The following DTD1 variants were observed in gnomAD, a reference collection of about 807,000 sequenced individuals.
The protein encoded by DTD1 is D-tyrosyl-tRNA deacylase 1 homolog.
DTD1 carries 13 observed loss-of-function variants against 25.6 expected under a neutral mutation model. That is an observed-to-expected ratio of 0.51 (90% CI 0.33 to 0.81). The LOEUF (loss-of-function observed/expected upper bound fraction) is 0.81, where lower values mean the gene tolerates loss of function less well. Among genes scored for constraint, DTD1 ranks in the 30% least tolerant of loss-of-function variants. The probability of loss-of-function intolerance (pLI) is 0.02; values close to 1 mark genes in which losing one functional copy is unlikely to be tolerated. For synonymous variants in DTD1, 110 were observed against 103.6 expected, an observed-to-expected ratio of 1.06 and a Z score of -0.37; for missense variants, 193 against 266.4, an observed-to-expected ratio of 0.72 and a Z score of 1.92.
At position 18,765,177 on chromosome 20, in the gene DTD1, A is replaced by G. The variant is rs896116575; in HGVS notation, c.*1837A>G. 1.3e-5 allele frequency: 2 copies of G among 152,264 alleles called. No homozygotes were observed. The highest frequency in any genetic ancestry group is 4.8e-5 in the African/African-American group (2 of 41,452). 9.4% of individuals were successfully genotyped at this position (152,264 alleles called of 1,614,324 possible). A position where few individuals can be genotyped will look rare whatever the true frequency, so the allele number is the denominator to read the frequency against. On this transcript the variant is annotated 3_prime_UTR_variant, in exon 6 of 6. Transcript: ENST00000377452. The stretch of plus-strand genomic sequence containing the variant: ...GCTGAAGGGTCTGAAACCGTAAAGG[A>G]AGAGCTGAAGGAGCTGGGGCTGTTT...
At chr20:18,629,142 G>A (rs557630942) in intron 4 of DTD1, among the ~76,000 whole-genome samples, 5 of 151,050 alleles carry the variant, frequency 3.3e-5, no homozygotes, top group South Asian at 2.1e-4. Context: ...GATTACAGGC[G>A]CCCACCACCA....
intron 4 of DTD1, chr20:18,632,395 G>A (rs1391643793): frequency 1.0e-6 from 1 of 985,336 alleles, no homozygotes; most frequent in Admixed American, 6.2e-5. Context: ...CCAGTAGGTG[G>A]CGGTGGGTAG....
In DTD1 at chr20:18,697,872, G is replaced by A. The variant is rs371774973; in HGVS notation, c.478-46228G>A. 2.6e-5 allele frequency among the ~76,000 whole-genome samples: 4 copies of A among 152,174 alleles called. No homozygotes were observed. In the South Asian group the frequency reaches 8.3e-4, roughly 31 times the overall value. ...GCTAATTTTTTGTATTTTTAGTAGAGACGGGGTTTCACTGCGTTAGCCAGG... is the reference window on the plus strand; with the variant it reads ...GCTAATTTTTTGTATTTTTAGTAGAAACGGGGTTTCACTGCGTTAGCCAGG... On this transcript the variant is annotated intron_variant, in intron 4 of 5. Coordinates refer to ENST00000377452, the MANE Select transcript of DTD1 (RefSeq NM_080820.6).
intron 1 of DTD1, chr20:18,592,379 G>C: frequency 6.6e-6 from 1 of 152,196 alleles, no homozygotes; most frequent in South Asian, 2.1e-4. Context: ...TGGAAGCTGA[G>C]GCAGGGAGGA....
At chr20:18,688,545 G>A (rs1275417232) in intron 4 of DTD1, among the ~76,000 whole-genome samples, 1 of 152,126 alleles carries the variant, frequency 6.6e-6, no homozygotes, top group Non-Finnish European at 1.5e-5. Flanking sequence ...CTGAGACAGG[G>A]TGACCCTGCG....
At chr20:18,719,736 C>T (rs2061195277) in intron 4 of DTD1, among the ~76,000 whole-genome samples, 1 of 152,248 alleles carries the variant, frequency 6.6e-6, no homozygotes, top group Admixed American at 6.5e-5. Flanking sequence ...TTGGTGACAG[C>T]AGTCCAGCCT....
chr20:18,736,434 A>G (rs921618077), intron 4 of DTD1, among the ~76,000 whole-genome samples: 1 of 152,064 alleles, frequency 6.6e-6, no homozygotes, highest in Non-Finnish European at 1.5e-5. Flanking sequence ...TTCCTTATTC[A>G]TTTCATGTTC....
At chr20:18,629,858 T>G (rs1349650689) in intron 4 of DTD1, among the ~76,000 whole-genome samples, 5 of 151,926 alleles carry the variant, frequency 3.3e-5, no homozygotes, top group Non-Finnish European at 7.4e-5. Flanking sequence ...AGCAGGGGGA[T>G]GTACTACACA....
chr20:18,609,735 A>C (rs2060679150), intron 3 of DTD1, among the ~76,000 whole-genome samples: 1 of 152,170 alleles, frequency 6.6e-6, no homozygotes, highest in Non-Finnish European at 1.5e-5. Context: ...AGATGAACAG[A>C]ACATTCCCAC....
chr20:18,700,043 A>G (rs537101632), intron 4 of DTD1, among the ~76,000 whole-genome samples: 130 of 152,286 alleles, frequency 8.5e-4, no homozygotes, highest in African/African-American at 3.0e-3. Context: ...CTAGAATCCC[A>G]TGTTCATTTA....
At chr20:18,722,738 G>A (rs1418009751) in intron 4 of DTD1, among the ~76,000 whole-genome samples, 2 of 152,164 alleles carry the variant, frequency 1.3e-5, no homozygotes, top group South Asian at 2.1e-4. Context: ...TGCTGGGACT[G>A]CAAAACATGG....
chr20:18,589,048 G>T, intron 1 of DTD1, among the ~76,000 whole-genome samples: 1 of 152,094 alleles, frequency 6.6e-6, no homozygotes, highest in East Asian at 1.9e-4. Flanking sequence ...GTCCACAAAA[G>T]TATGAATTAA....
At chr20:18,598,700 G>A (rs1475600140) in intron 3 of DTD1, among the ~76,000 whole-genome samples, 5 of 149,386 alleles carry the variant, frequency 3.3e-5, no homozygotes, top group African/African-American at 1.2e-4. Flanking sequence ...TAGTAGAGAT[G>A]GGGTTTTACC....
intron 4 of DTD1, among the ~76,000 whole-genome samples, chr20:18,646,443 G>A (rs2060850867): frequency 6.6e-6 from 1 of 152,206 alleles, no homozygotes; most frequent in African/African-American, 2.4e-5. Flanking sequence ...TACAAATGAT[G>A]CTGAGTGTAG....
rs576786965 is a variant in DTD1 at position 18,760,028 on chromosome 20, G to T, written c.*20-3332G>T. Among the ~76,000 whole-genome samples the T allele has an allele frequency of 2.0e-5, 3 of 152,150 alleles. No individual in the cohort carries two copies. In the South Asian group the frequency reaches 6.2e-4, roughly 32 times the overall value. ...ACCCTTTCTTCCAGTTGATCGAATT[G>T]GCTATTGAGGCTTATGCGTTCGTCA... On this transcript the variant is annotated intron_variant, in intron 5 of 5. Coordinates refer to ENST00000377452, the MANE Select transcript of DTD1 (RefSeq NM_080820.6).
At chr20:18,750,758 T>A (rs2061318571) in intron 5 of DTD1, among the ~76,000 whole-genome samples, 1 of 152,188 alleles carries the variant, frequency 6.6e-6, no homozygotes. Context: ...CTCTATTATT[T>A]CTCCTTTCTG....
At chr20:18,616,583 T>C (rs2060709698) in intron 3 of DTD1, among the ~76,000 whole-genome samples, 2 of 151,512 alleles carry the variant, frequency 1.3e-5, no homozygotes, top group African/African-American at 4.9e-5. Context: ...AGCCCAGGAG[T>C]TCTAGACCAG....
intron 4 of DTD1, among the ~76,000 whole-genome samples, chr20:18,695,591 CCTCCCCTCCCCTCCCCCCTTCCCTTCT>C (rs2061072863): frequency 3.0e-5 from 1 of 33,452 alleles, no homozygotes; most frequent in Non-Finnish European, 5.7e-5. Flanking sequence ...CCTCCCCTCC[CCTCCCCTCCCCTCCCCCCTTCCCTTCT>C]TTCCTTCTCT....
At chr20:18,722,902 G>A (rs2061209884) in intron 4 of DTD1, among the ~76,000 whole-genome samples, 1 of 152,000 alleles carries the variant, frequency 6.6e-6, no homozygotes, top group African/African-American at 2.4e-5. Flanking sequence ...TTATTTTTCT[G>A]GACCTAAAAC....
Sources: gnomAD v4.1 joint callset for allele counts (sites outside exome capture counted in the v4.1 genomes callset) on GRCh38, gnomAD v4.1.1 for gene constraint, MANE v1.5 for transcripts, NCBI Gene and HGNC (gene_info 2026-07-23, HGNC 2026-07-21) for gene names.